Variants in CTNNBL1 observed in about 807,000 individuals in gnomAD.
CTNNBL1 encodes the protein beta-catenin-like protein 1.
CTNNBL1 carries 31 observed loss-of-function variants against 72.7 expected under a neutral mutation model. The ratio of observed to expected loss-of-function variants is 0.43; its 90% CI spans 0.32 to 0.58. CTNNBL1 has a LOEUF of 0.58. Among genes scored for constraint, CTNNBL1 ranks in the 20% least tolerant of loss-of-function variants. CTNNBL1 has a pLI of 0.08. For synonymous variants in CTNNBL1, 240 were observed against 267.3 expected (o/e 0.90, Z 1.00); for missense variants, 534 against 725.1 (o/e 0.74, Z 3.03).
intron 5 of CTNNBL1, among the ~76,000 whole-genome samples, chr20:37,758,236 A>G (rs562005631): frequency 1.3e-3 from 202 of 152,372 alleles, no homozygotes; most frequent in South Asian, 3.9e-3. Context: ...TTTATAGCTC[A>G]TTGAGGCCAG....
At chr20:37,836,281 A>C (rs1298923760) in intron 11 of CTNNBL1, among the ~76,000 whole-genome samples, 3 of 152,184 alleles carry the variant, frequency 2.0e-5, no homozygotes, top group Non-Finnish European at 4.4e-5. Flanking sequence ...GCTGCTGAGG[A>C]GATTGGTGTA....
chr20:37,849,262 A>G (rs906622190), intron 13 of CTNNBL1, among the ~76,000 whole-genome samples: 3 of 152,212 alleles, frequency 2.0e-5, no homozygotes, highest in Non-Finnish European at 4.4e-5. Flanking sequence ...AGATTTTTCT[A>G]AAATGTAAAT....
intron 10 of CTNNBL1, among the ~76,000 whole-genome samples, chr20:37,801,823 T>C (rs1200823677): frequency 6.6e-6 from 1 of 152,206 alleles, no homozygotes; most frequent in Admixed American, 6.5e-5. Context: ...ATCACTGCTA[T>C]TGGGCATTGT....
chr20:37,785,673 C>T (rs756287960), intron 10 of CTNNBL1, among the ~76,000 whole-genome samples: 64 of 152,270 alleles, frequency 4.2e-4, no homozygotes, highest in Non-Finnish European at 6.8e-4. Context: ...ATAAAGCTTC[C>T]TCAAAACGCT....
At chr20:37,760,932 A>G (rs1042918300) in intron 5 of CTNNBL1, among the ~76,000 whole-genome samples, 1 of 152,184 alleles carries the variant, frequency 6.6e-6, no homozygotes, top group African/African-American at 2.4e-5. Context: ...ACTCAATAAA[A>G]CCACATTTGG....
At chr20:37,840,271 G>A (rs1341428628) in intron 12 of CTNNBL1, 72 bp downstream of exon 12, 3 of 1,158,966 alleles carry the variant, frequency 2.6e-6, no homozygotes, top group Non-Finnish European at 3.9e-6. Flanking sequence ...GTGATCTGAG[G>A]GATACTGGGT....
intron 1 of CTNNBL1, among the ~76,000 whole-genome samples, chr20:37,705,866 T>G (rs919963460): frequency 6.6e-6 from 1 of 152,200 alleles, no homozygotes; most frequent in Non-Finnish European, 1.5e-5. Flanking sequence ...CTGATACTGC[T>G]TTTACCTTCT....
chr20:37,779,119 G>A, intron 9 of CTNNBL1, 68 bp from the exon 10 acceptor site: 1 of 1,519,370 alleles, frequency 6.6e-7, no homozygotes. Context: ...TTTAGGAATT[G>A]TTGGATGGAG....
intron 7 of CTNNBL1, among the ~76,000 whole-genome samples, chr20:37,773,472 T>G (rs779285523): frequency 5.3e-5 from 8 of 152,180 alleles, no homozygotes; most frequent in Non-Finnish European, 8.8e-5. Flanking sequence ...GCTGAAAGAT[T>G]TAAGAGAGCC....
At chr20:37,851,869 A>G (rs1264562657) in intron 13 of CTNNBL1, among the ~76,000 whole-genome samples, 4 of 152,228 alleles carry the variant, frequency 2.6e-5, no homozygotes, top group Admixed American at 2.0e-4. Context: ...TGAAAGAACT[A>G]ATAGAGAAGG....
chr20:37,802,718 C>A, intron 10 of CTNNBL1, 149 bp from the exon 11 acceptor site: 2 of 570,736 alleles, frequency 3.5e-6, no homozygotes, highest in South Asian at 3.7e-5. Flanking sequence ...TTTGTCCACC[C>A]TATTGTAGAC....
chr20:37,851,934 G>A (rs1389371125), intron 13 of CTNNBL1, among the ~76,000 whole-genome samples: 2 of 152,220 alleles, frequency 1.3e-5, no homozygotes, highest in Non-Finnish European at 1.5e-5. Flanking sequence ...CCCAATGGTA[G>A]TCATTTGGTA....
intron 7 of CTNNBL1, among the ~76,000 whole-genome samples, chr20:37,769,341 T>C (rs2073502453): frequency 6.6e-6 from 1 of 152,254 alleles, no homozygotes; most frequent in Non-Finnish European, 1.5e-5. Flanking sequence ...CACTGATTTA[T>C]CATATCCCAC....
At chr20:37,814,320 A>G (rs1449676018) in intron 11 of CTNNBL1, among the ~76,000 whole-genome samples, 1 of 152,180 alleles carries the variant, frequency 6.6e-6, no homozygotes, top group Non-Finnish European at 1.5e-5. Context: ...CCAGTACTGC[A>G]TAAATAACTT....
At chr20:37,725,183 A>G (rs941919428) in intron 1 of CTNNBL1, among the ~76,000 whole-genome samples, 25 of 152,188 alleles carry the variant, frequency 1.6e-4, no homozygotes, top group African/African-American at 6.0e-4. Context: ...TTGAGATTAC[A>G]GGCGTGTGCC....
chr20:37,813,579 T>A (rs1208596577), intron 11 of CTNNBL1, among the ~76,000 whole-genome samples: 1 of 152,254 alleles, frequency 6.6e-6, no homozygotes, highest in Non-Finnish European at 1.5e-5. Context: ...GTTTTTCATT[T>A]TGCCAGGTAG....
At chr20:37,786,023 T>C (rs534524930) in intron 10 of CTNNBL1, among the ~76,000 whole-genome samples, 1 of 152,356 alleles carries the variant, frequency 6.6e-6, no homozygotes, top group African/African-American at 2.4e-5. Context: ...ACCACCTTGG[T>C]GGTGTTGGGT....
chr20:37,818,758 A>G, intron 11 of CTNNBL1, among the ~76,000 whole-genome samples: 1 of 152,216 alleles, frequency 6.6e-6, no homozygotes, highest in East Asian at 1.9e-4. Flanking sequence ...GAGAAAATGA[A>G]TGTGAATATA....
At position 37,742,658 on chromosome 20, in the gene CTNNBL1, T is replaced by C. The variant is rs575558541; in HGVS notation, c.327-3810T>C. 9.8e-5 allele frequency among the ~76,000 whole-genome samples: 15 copies of C among 152,316 alleles called. No individual in the cohort carries two copies. In the East Asian group the frequency reaches 2.9e-3, roughly 29 times the overall value. On this transcript the variant is annotated intron_variant, in intron 3 of 15. Transcript: ENST00000361383. ...TGTCAGCTGCTGTGCTTACTGTCTC[T>C]TTAAGCTTTGTGTCATATAACATTT...
Sources: allele counts gnomAD v4.1 joint callset (sites outside exome capture counted in the v4.1 genomes callset), GRCh38; gene constraint gnomAD v4.1.1; transcripts MANE v1.5; gene names NCBI Gene and HGNC (gene_info 2026-07-23, HGNC 2026-07-21).